Variants in ZEB1 observed in about 807,000 individuals in gnomAD.
ZEB1 encodes zinc finger E-box-binding homeobox 1.
ZEB1 carries 21 observed loss-of-function variants against 84.9 expected under a neutral mutation model. That is an observed-to-expected ratio of 0.25 (90% confidence interval 0.18 to 0.36). The LOEUF is 0.36. Ranked by LOEUF, ZEB1 falls within the 10% of genes least tolerant of loss-of-function variation. The pLI, the probability that ZEB1 is intolerant of heterozygous loss-of-function variation, is 1.00. For synonymous variants in ZEB1, 420 were observed against 471.1 expected, an observed-to-expected ratio of 0.89 and a Z score of 1.41; for missense variants, 1,104 against 1,330.2, an observed-to-expected ratio of 0.83 and a Z score of 2.65.
At chr10:31,467,583 A>G (rs1459675344) in intron 2 of ZEB1, among the ~76,000 whole-genome samples, 4 of 152,126 alleles carry the variant, frequency 2.6e-5, no homozygotes, top group Non-Finnish European at 5.9e-5. Flanking sequence ...GCTACCTGGG[A>G]ACACTTTACT....
intron 1 of ZEB1, among the ~76,000 whole-genome samples, chr10:31,387,543 A>G (rs1299449699): frequency 1.3e-5 from 2 of 152,210 alleles, no homozygotes; most frequent in Non-Finnish European, 2.9e-5. Flanking sequence ...TATTCAGTTA[A>G]TAACTGCTGG....
rs74417307 is a variant in ZEB1, at chr10:31,411,963, T to C, written c.59-49074T>C. On this transcript the variant is annotated intron_variant, in intron 1 of 8. Coordinates refer to ENST00000424869, the MANE Select transcript of ZEB1 (RefSeq NM_001174096.2). Reference sequence around the variant, plus strand: ...TCGATACAAGATTTTTTTTGAAAATTTGTAATTCCATTTCACGATCTCAAC... The same window carrying C: ...TCGATACAAGATTTTTTTTGAAAATCTGTAATTCCATTTCACGATCTCAAC... Among the ~76,000 whole-genome samples, 379 of 152,258 alleles carry C rather than the reference T, an allele frequency of 2.5e-3. 3 individuals are homozygous for C. The highest frequency in any genetic ancestry group is 8.7e-3 in the African/African-American group (361 of 41,556).
At chr10:31,500,613 G>C (rs2067983292) in intron 3 of ZEB1, among the ~76,000 whole-genome samples, 1 of 152,106 alleles carries the variant, frequency 6.6e-6, no homozygotes, top group African/African-American at 2.4e-5. Context: ...TTACTCCTTT[G>C]GCACCCTGGA....
chr10:31,487,876 G>C (rs1048585154), intron 2 of ZEB1, among the ~76,000 whole-genome samples: 2 of 151,198 alleles, frequency 1.3e-5, no homozygotes, highest in Admixed American at 1.3e-4. Context: ...CAATTGAAAT[G>C]ATCATATGGT....
At chr10:31,485,958 T>C (rs980065926) in intron 2 of ZEB1, among the ~76,000 whole-genome samples, 1 of 151,874 alleles carries the variant, frequency 6.6e-6, no homozygotes, top group South Asian at 2.1e-4. Flanking sequence ...GAGAATGTTA[T>C]AAAAATGAAA....
chr10:31,410,595 G>T (rs1434831876), intron 1 of ZEB1, among the ~76,000 whole-genome samples: 4 of 152,106 alleles, frequency 2.6e-5, no homozygotes, highest in African/African-American at 9.7e-5. Context: ...GCTCCTTTTT[G>T]TACCTCTGGT....
intron 1 of ZEB1, among the ~76,000 whole-genome samples, chr10:31,430,023 G>GGT (rs2057519430): frequency 6.6e-6 from 1 of 152,096 alleles, no homozygotes; most frequent in African/African-American, 2.4e-5. Flanking sequence ...TTACAGGCGT[G>GGT]AGCCACCACG....
At chr10:31,494,165 G>A (rs941398297) in intron 2 of ZEB1, among the ~76,000 whole-genome samples, 5 of 151,856 alleles carry the variant, frequency 3.3e-5, no homozygotes, top group Non-Finnish European at 7.4e-5. Context: ...TTAGTTTAAG[G>A]AGACACATTG....
chr10:31,376,036 T>G (rs2046564531), intron 1 of ZEB1, among the ~76,000 whole-genome samples: 1 of 151,756 alleles, frequency 6.6e-6, no homozygotes, highest in Non-Finnish European at 1.5e-5. Context: ...GCAATAGTTA[T>G]TACTAAAAAT....
chr10:31,384,994 A>G (rs1013091253), intron 1 of ZEB1, among the ~76,000 whole-genome samples: 2 of 152,204 alleles, frequency 1.3e-5, no homozygotes, highest in South Asian at 2.1e-4. Flanking sequence ...GGCTTACAGC[A>G]TGTTGAAAAT....
intron 1 of ZEB1, among the ~76,000 whole-genome samples, chr10:31,325,803 T>C (rs1032463550): frequency 1.3e-5 from 2 of 152,000 alleles, no homozygotes; most frequent in Non-Finnish European, 2.9e-5. Context: ...GTTTAAGATA[T>C]TTTAAGTACT....
At chr10:31,438,353 C>T (rs1215620601) in intron 1 of ZEB1, among the ~76,000 whole-genome samples, 3 of 152,156 alleles carry the variant, frequency 2.0e-5, no homozygotes, top group Non-Finnish European at 4.4e-5. Context: ...ATTATTGTCT[C>T]ATAAAACCAT....
At chr10:31,448,965 T>A (rs1334193414) in intron 1 of ZEB1, among the ~76,000 whole-genome samples, 1 of 152,230 alleles carries the variant, frequency 6.6e-6, no homozygotes, top group Non-Finnish European at 1.5e-5. Flanking sequence ...CTGGCTGCTT[T>A]GTTTACCTAA....
At chr10:31,457,443 A>C (rs1370857163) in intron 1 of ZEB1, among the ~76,000 whole-genome samples, 1 of 152,162 alleles carries the variant, frequency 6.6e-6, no homozygotes, top group Non-Finnish European at 1.5e-5. Flanking sequence ...TGACAGAAGC[A>C]AAAGACAGTA....
intron 2 of ZEB1, among the ~76,000 whole-genome samples, chr10:31,472,135 C>T (rs971239908): frequency 6.6e-6 from 1 of 151,158 alleles, no homozygotes; most frequent in Admixed American, 6.6e-5. Context: ...GACACCCTAA[C>T]ATCACAATTA....
At chr10:31,340,815 A>G (rs1401848905) in intron 1 of ZEB1, among the ~76,000 whole-genome samples, 4 of 152,176 alleles carry the variant, frequency 2.6e-5, no homozygotes, top group African/African-American at 9.6e-5. Flanking sequence ...GGGAGAGACA[A>G]GGAAGGGTAG....
intron 1 of ZEB1, among the ~76,000 whole-genome samples, chr10:31,414,022 C>G (rs1020467431): frequency 6.6e-5 from 10 of 152,150 alleles, no homozygotes; most frequent in Non-Finnish European, 1.3e-4. Flanking sequence ...ATGGCACATC[C>G]AAGCACTAGC....
chr10:31,409,449 C>T (rs2053803771), intron 1 of ZEB1, among the ~76,000 whole-genome samples: 1 of 152,142 alleles, frequency 6.6e-6, no homozygotes, highest in Admixed American at 6.6e-5. Flanking sequence ...TAGCATGATG[C>T]CTTCAGCTTT....
intron 1 of ZEB1, among the ~76,000 whole-genome samples, chr10:31,322,278 A>C (rs968899151): frequency 2.8e-4 from 43 of 152,380 alleles, no homozygotes; most frequent in African/African-American, 1.0e-3. Context: ...TTAGCAGTGC[A>C]GTCATATTTA....
Sources: allele counts gnomAD v4.1 joint callset (sites outside exome capture counted in the v4.1 genomes callset), GRCh38; gene constraint gnomAD v4.1.1; transcripts MANE v1.5; gene names NCBI Gene and HGNC (gene_info 2026-07-23, HGNC 2026-07-21).